SLC18A1: variants seen among roughly 807,000 people sequenced by gnomAD.
The protein encoded by SLC18A1 is chromaffin granule amine transporter.
In SLC18A1, 69 loss-of-function variants were observed where a neutral mutation model predicts 53.7. The ratio of observed to expected loss-of-function variants is 1.28; its 90% CI spans 1.06 to 1.57. SLC18A1 has a LOEUF of 1.57. SLC18A1 is among the 40% of genes most tolerant of loss of function. The pLI, the probability that SLC18A1 is intolerant of heterozygous loss-of-function variation, is 0.00. For missense variants in SLC18A1, 932 were observed against 668.1 expected (o/e 1.40, Z -4.35); for synonymous variants, 320 against 248.1 (o/e 1.29, Z -2.72).
At chr8:20,146,172 C>G (rs2071392316) in intron 15 of SLC18A1, among the ~76,000 whole-genome samples, 1 of 152,164 alleles carries the variant, frequency 6.6e-6, no homozygotes, top group African/African-American at 2.4e-5. Context: ...GCCTCAGCCT[C>G]CTAAAGTGCT....
Position 20,171,474 on chromosome 8 carries a change from C to T in SLC18A1, c.745G>A (p.Val249Ile), listed in dbSNP as rs17215759. 1.7e-3 allele frequency: 2,785 copies of T among 1,614,094 alleles called. 38 individuals carry two copies. In the African/African-American group the frequency reaches 0.025, roughly 14 times the overall value. The change falls in exon 7 of 16, where the codon GTA becomes ATA. Residue 249 changes from valine (V) to isoleucine (I), a missense_variant. Physicochemically the swap from Val to Ile is conservative, Grantham distance 29 (BLOSUM62 3). Coordinates refer to ENST00000276373, the MANE Select transcript of SLC18A1 (RefSeq NM_003053.4). The stretch of plus-strand genomic sequence containing the variant: ...GACTTCCCAACAAACTCGTACATTA[C>T]ACTTCCAAAGGGAGCTCCCACTGGA... ...GLLVGAPFGS[V>I]MYEFVGKSAP...
chr8:20,169,280 G>T (rs1461994971), intron 8 of SLC18A1, among the ~76,000 whole-genome samples: 4 of 152,180 alleles, frequency 2.6e-5, no homozygotes, highest in Non-Finnish European at 5.9e-5. Flanking sequence ...AGGCTAGAGA[G>T]GTGTGATGCA....
chr8:20,180,108 T>TTGTGTGTGTG (rs112531759), intron 2 of SLC18A1, among the ~76,000 whole-genome samples: 9,549 of 146,098 alleles, frequency 0.065, 394 homozygotes, highest in East Asian at 0.23. Flanking sequence ...AAGATTATAA[T>TTGTGTGTGTG]TGTGTGTGTG....
chr8:20,172,960 T>C, intron 6 of SLC18A1, 76 bp downstream of exon 6: 3 of 1,037,424 alleles, frequency 2.9e-6, no homozygotes, highest in Non-Finnish European at 4.4e-6. Context: ...AAAATACTCG[T>C]CTTCTACACC....
At chr8:20,147,233 T>C (rs2071423184) in intron 15 of SLC18A1, 25 bp downstream of exon 15, 1 of 1,571,942 alleles carries the variant, frequency 6.4e-7, no homozygotes, top group Non-Finnish European at 8.6e-7. Context: ...AGTGAATTTC[T>C]CTTTTAACAG....
chr8:20,182,995 A>C (rs2072467504), intron 1 of SLC18A1, 68 bp downstream of exon 1: 1 of 152,236 alleles, frequency 6.6e-6, no homozygotes, highest in South Asian at 2.1e-4. Context: ...CTTAACAGTC[A>C]AAATCCTCTG....
In SLC18A1 at chr8:20,148,737, C is replaced by A. The variant is rs11774649; in HGVS notation, c.1147-667G>T. ...CAAACCTGCTACCCCAGGACACTCA[C>A]CCCTTAAGGGTTTAGCATACCGTTT... On this transcript the variant is annotated intron_variant, in intron 12 of 15. Coordinates refer to ENST00000276373, the MANE Select transcript of SLC18A1 (RefSeq NM_003053.4). 9.1e-3 allele frequency among the ~76,000 whole-genome samples: 1,379 copies of A among 152,298 alleles called. 11 individuals are homozygous for A. The highest frequency in any genetic ancestry group is 0.013 in the Non-Finnish European group (898 of 68,020).
chr8:20,146,366 T>A (rs1262099229), intron 15 of SLC18A1, among the ~76,000 whole-genome samples: 1 of 152,184 alleles, frequency 6.6e-6, no homozygotes, highest in Non-Finnish European at 1.5e-5. Flanking sequence ...TATCAACCCT[T>A]GTCAGGACAA....
At chr8:20,147,235 T>G in intron 15 of SLC18A1, 23 bp downstream of exon 15, 1 of 1,574,386 alleles carries the variant, frequency 6.4e-7, no homozygotes, top group Admixed American at 2.0e-5. Flanking sequence ...TGAATTTCTC[T>G]TTTAACAGTC....
chr8:20,160,372 G>A (rs550212044), intron 10 of SLC18A1, among the ~76,000 whole-genome samples: 10 of 150,106 alleles, frequency 6.7e-5, no homozygotes, highest in South Asian at 6.4e-4. Flanking sequence ...CACGTTGCTC[G>A]TTCTTTAGGA....
At chr8:20,176,080 C>T (rs2072244252) in intron 4 of SLC18A1, among the ~76,000 whole-genome samples, 3 of 152,120 alleles carry the variant, frequency 2.0e-5, no homozygotes, top group South Asian at 4.1e-4. Flanking sequence ...GTTGTTTGTC[C>T]CCACCAAATC....
Position 20,149,714 on chromosome 8 carries a change from G to C in SLC18A1, c.1108C>G (p.Leu370Val). The C allele has an allele frequency of 1.9e-6, 3 of 1,613,538 alleles. No homozygotes were observed. Among genetic ancestry groups the C allele is most frequent in the Non-Finnish European group, 2.5e-6 (3 of 1,179,894 alleles). Reference sequence around the variant, plus strand: ...GTACCTACTACCAGCATCCCGATTAGGGAACACAGCCACCTGGAAGAAAAA... The same window carrying C: ...GTACCTACTACCAGCATCCCGATTACGGAACACAGCCACCTGGAAGAAAAA... ...ANKMGRWLCS[L>V]IGMLVVGTSL... Residue 370 changes from leucine to valine, a missense_variant, in exon 12 of 16, where the codon CTA becomes GTA. Transcript: ENST00000276373.
chr8:20,173,415 A>T (rs2072176306), intron 5 of SLC18A1, among the ~76,000 whole-genome samples: 1 of 152,184 alleles, frequency 6.6e-6, no homozygotes, highest in Non-Finnish European at 1.5e-5. Context: ...ATAACATTTT[A>T]TCATTTCCTA....
rs2071917003 is a variant in SLC18A1, at chr8:20,164,914, G to T, written c.970C>A (p.Pro324Thr). Residue 324 changes from proline (P) to threonine (T), a missense_variant, in exon 10 of 16, where the codon CCC (proline) becomes ACC (threonine). Physicochemically the swap from Pro to Thr is conservative, Grantham distance 38. Coordinates refer to ENST00000276373, the MANE Select transcript of SLC18A1 (RefSeq NM_003053.4). ...CACATGGTCTGCATCATCCAGATGG[G>T]CAGTGTGGGCTCCAGGATGGCCACC... Reference protein sequence around the residue: ...MGVAILEPTLPIWMMQTMCSP... With the variant: ...MGVAILEPTLTIWMMQTMCSP... The T allele has an allele frequency of 6.2e-7, 1 of 1,613,880 alleles. No individual in the cohort carries two copies. The highest frequency in any genetic ancestry group is 1.1e-5 in the South Asian group (1 of 91,062).
intron 6 of SLC18A1, 38 bp downstream of exon 6, chr8:20,172,998 A>C: frequency 1.9e-5 from 24 of 1,295,876 alleles, no homozygotes; most frequent in Non-Finnish European, 2.5e-5. Flanking sequence ...CTAGAGTCCC[A>C]CCCTCCCGAA....
chr8:20,182,076 A>T (rs577468778), intron 1 of SLC18A1: 2 of 152,248 alleles, frequency 1.3e-5, no homozygotes, highest in South Asian at 4.1e-4. Flanking sequence ...GGAGAATTTC[A>T]TTTTCTTTGA....
intron 4 of SLC18A1, chr8:20,175,684 A>T (rs17411775): frequency 0.51 from 77,038 of 151,958 alleles, 20,373 homozygotes; most frequent in Non-Finnish European, 0.59. Context: ...AATTCCAGAA[A>T]AATGTCTCCT....
chr8:20,153,164 C>G (rs1448727576), intron 10 of SLC18A1, among the ~76,000 whole-genome samples: 2 of 152,066 alleles, frequency 1.3e-5, no homozygotes, highest in Non-Finnish European at 2.9e-5. Context: ...AATGTGAAAC[C>G]CACTTTAGGT....
intron 10 of SLC18A1, among the ~76,000 whole-genome samples, chr8:20,154,797 TC>T (rs1288340343): frequency 1.3e-5 from 2 of 152,174 alleles, no homozygotes; most frequent in African/African-American, 4.8e-5. Context: ...ACTCTTCTGG[TC>T]CGTGTTTGTT....
Sources: allele counts gnomAD v4.1 joint callset (sites outside exome capture counted in the v4.1 genomes callset), GRCh38; gene constraint gnomAD v4.1.1; transcripts MANE v1.5; gene names NCBI Gene and HGNC (gene_info 2026-07-23, HGNC 2026-07-21).